TNS3: variants seen among roughly 807,000 people sequenced by gnomAD.
TNS3 encodes tensin 3.
TNS3 carries 45 observed loss-of-function variants against 140.9 expected under a neutral mutation model. That is an observed-to-expected ratio of 0.32 (90% CI 0.25 to 0.41). TNS3 has a LOEUF of 0.41. Ranked by LOEUF, TNS3 falls within the 10% of genes least tolerant of loss-of-function variation. The probability of loss-of-function intolerance (pLI) is 1.00; values close to 1 mark genes in which losing one functional copy is unlikely to be tolerated. For synonymous variants in TNS3, 815 were observed against 788.4 expected, an observed-to-expected ratio of 1.03 and a Z score of -0.56; for missense variants, 1,716 against 1,906.7, an observed-to-expected ratio of 0.90 and a Z score of 1.86.
chr7:47,415,244 G>T, intron 10 of TNS3, 38 bp from the exon 11 acceptor site: 1 of 1,464,020 alleles, frequency 6.8e-7, no homozygotes, highest in Non-Finnish European at 9.4e-7. Context: ...TCCCAGAAGT[G>T]TCTTCAGCCT....
At chr7:47,530,919 A>C (rs1164986596) in intron 1 of TNS3, among the ~76,000 whole-genome samples, 1 of 149,790 alleles carries the variant, frequency 6.7e-6, no homozygotes, top group East Asian at 1.9e-4. Context: ...AATTGCTTAA[A>C]CCCAGTAACA....
intron 20 of TNS3, among the ~76,000 whole-genome samples, chr7:47,305,308 G>A (rs1271690999): frequency 2.0e-5 from 3 of 152,210 alleles, no homozygotes; most frequent in African/African-American, 4.8e-5. Flanking sequence ...ACATTGGGCC[G>A]CCTGGGCTGG....
Position 47,397,942 on chromosome 7 carries a change from C to T in TNS3, c.920-1038G>A, listed in dbSNP as rs182628771. On this transcript the variant is annotated intron_variant, in intron 15 of 30. Coordinates refer to ENST00000311160, the MANE Select transcript of TNS3 (RefSeq NM_022748.12). ...CTGATAGACCATTAGCTAGATTAAC[C>T]AAGAAGAGAGAAGATTCAAATAAAT... 4.6e-5 allele frequency among the ~76,000 whole-genome samples: 7 copies of T among 152,082 alleles called. No homozygotes were observed. The East Asian group carries it at 1.3e-3, about 29-fold the overall frequency.
chr7:47,285,780 CCA>C (rs1785387214), intron 27 of TNS3, among the ~76,000 whole-genome samples: 1 of 152,104 alleles, frequency 6.6e-6, no homozygotes, highest in Non-Finnish European at 1.5e-5. Context: ...GACATTTGTG[CCA>C]CATATTCATT....
chr7:47,295,792 C>G (rs1785982880), intron 24 of TNS3, among the ~76,000 whole-genome samples: 1 of 152,162 alleles, frequency 6.6e-6, no homozygotes, highest in Admixed American at 6.5e-5. Context: ...TGAGGCTGGA[C>G]CTCCTGGCAG....
At chr7:47,431,226 G>A (rs1794915016) in intron 8 of TNS3, among the ~76,000 whole-genome samples, 1 of 152,184 alleles carries the variant, frequency 6.6e-6, no homozygotes, top group Non-Finnish European at 1.5e-5. Context: ...ATGGGATGCA[G>A]CAAAAGCAGT....
chr7:47,340,119 T>A lies in TNS3; in HGVS notation c.2650+4636A>T, dbSNP rs10244736. Among the ~76,000 whole-genome samples the A allele has an allele frequency of 7.6e-3, 379 of 50,192 alleles. 1 individual carries two copies. Among genetic ancestry groups the A allele is most frequent in the African/African-American group, 0.017 (242 of 14,186 alleles). 32.9% of individuals were successfully genotyped at this position (50,192 alleles called of 152,430 possible). On this transcript the variant is annotated intron_variant, in intron 20 of 30. Coordinates refer to ENST00000311160, the MANE Select transcript of TNS3 (RefSeq NM_022748.12). ...TATATATATATATATATATATATTT[T>A]TTTTTTTTTTTTTTTTTTTTTTTGA...
intron 1 of TNS3, among the ~76,000 whole-genome samples, chr7:47,533,937 T>C (rs769669807): frequency 5.9e-5 from 9 of 152,124 alleles, no homozygotes; most frequent in Non-Finnish European, 1.3e-4. Flanking sequence ...CTTGGGTATG[T>C]CTTCATCAGC....
At chr7:47,575,369 C>T (rs1800651308) in intron 1 of TNS3, among the ~76,000 whole-genome samples, 2 of 152,258 alleles carry the variant, frequency 1.3e-5, no homozygotes, top group South Asian at 2.1e-4. Context: ...ACATATGGCA[C>T]ACAAGAAGGC....
chr7:47,487,108 G>C (rs1037737861), intron 3 of TNS3, among the ~76,000 whole-genome samples: 1 of 152,212 alleles, frequency 6.6e-6, no homozygotes, highest in Non-Finnish European at 1.5e-5. Context: ...AGACCAACCT[G>C]GTCAACATGG....
intron 3 of TNS3, among the ~76,000 whole-genome samples, chr7:47,501,920 A>G (rs2151864934): frequency 6.6e-6 from 1 of 152,302 alleles, no homozygotes; most frequent in Middle Eastern, 3.4e-3. Context: ...GTGAGCCCCA[A>G]GCCAAGCGGG....
At position 47,435,338 on chromosome 7, in the gene TNS3, C is replaced by T. The variant is rs375955757; in HGVS notation, c.268G>A (p.Ala90Thr). 11 of 1,614,178 alleles carry T rather than the reference C, an allele frequency of 6.8e-6. No homozygotes were observed. The highest frequency in any genetic ancestry group is 2.2e-5 in the South Asian group (2 of 91,078). The change falls in exon 8 of 31, where the codon GCG becomes ACG. Residue 90 changes from alanine to threonine, a missense_variant. Physicochemically the swap from Ala to Thr is moderately conservative, Grantham distance 58. Around this residue, in one of 3 missense-constraint regions of TNS3, gnomAD observed 337 missense variants for 428.9 expected, o/e 0.79. Transcript: ENST00000311160. ...TTGCTGTTCAGCCAGGACTCCTGCG[C>T]CTTGCATATGGTACACATCTTATCC... ...PLDKMCTICKAQESWLNSNLQ... is the reference protein window; with the variant it reads ...PLDKMCTICKTQESWLNSNLQ...
intron 16 of TNS3, among the ~76,000 whole-genome samples, chr7:47,390,455 G>A (rs554506036): frequency 2.8e-4 from 42 of 152,284 alleles, no homozygotes; most frequent in Admixed American, 7.2e-4. Flanking sequence ...CTTCAGGACT[G>A]TGTCTTATTG....
At chr7:47,459,835 A>T (rs1796407084) in intron 4 of TNS3, among the ~76,000 whole-genome samples, 1 of 152,166 alleles carries the variant, frequency 6.6e-6, no homozygotes, top group Admixed American at 6.5e-5. Flanking sequence ...AATGCCTGGT[A>T]CCATCTGTTA....
At chr7:47,364,907 T>C (rs1790604525) in intron 17 of TNS3, among the ~76,000 whole-genome samples, 1 of 152,226 alleles carries the variant, frequency 6.6e-6, no homozygotes, top group Non-Finnish European at 1.5e-5. Flanking sequence ...GTAACCAGTT[T>C]TGCTTATACC....
At chr7:47,446,688 CTTTTTTTT>C (rs144042398) in intron 4 of TNS3, among the ~76,000 whole-genome samples, 47 of 96,734 alleles carry the variant, frequency 4.9e-4, no homozygotes, top group Admixed American at 1.3e-3. Flanking sequence ...TCCAGGCTGC[CTTTTTTTT>C]TTTTTTTTTT....
intron 4 of TNS3, among the ~76,000 whole-genome samples, chr7:47,451,873 C>A (rs1796031270): frequency 6.6e-6 from 1 of 152,178 alleles, no homozygotes; most frequent in Admixed American, 6.5e-5. Context: ...CCTCCACCAC[C>A]CAGCACATAC....
chr7:47,548,227 T>G (rs1799973583), intron 1 of TNS3, among the ~76,000 whole-genome samples: 2 of 152,190 alleles, frequency 1.3e-5, no homozygotes, highest in South Asian at 4.1e-4. Context: ...CTTCACGTTT[T>G]TCTTGCCTGT....
rs777692302 is a variant in TNS3 at position 47,367,737 on chromosome 7, C to T, written c.2281+628G>A. ...CCAAGCCCCTCCCATCACTGAGCTGCTCTCCACAGTAGAACCCCTTGTGGA... is the reference window on the plus strand; with the variant it reads ...CCAAGCCCCTCCCATCACTGAGCTGTTCTCCACAGTAGAACCCCTTGTGGA... On this transcript the variant is annotated intron_variant, in intron 17 of 30. Transcript: ENST00000311160. 4.6e-5 allele frequency among the ~76,000 whole-genome samples: 7 copies of T among 152,228 alleles called. No individual in the cohort carries two copies. The South Asian group carries it at 1.4e-3, about 32-fold the overall frequency.
Sources: allele counts gnomAD v4.1 joint callset (sites outside exome capture counted in the v4.1 genomes callset), GRCh38; gene constraint gnomAD v4.1.1; regional missense constraint gnomAD v4.1.1; transcripts MANE v1.5; gene names NCBI Gene and HGNC (gene_info 2026-07-23, HGNC 2026-07-21).